BTBD8: variants seen among roughly 807,000 people sequenced by gnomAD.
BTBD8 encodes BTB domain containing 8, also known as BTB/POZ domain-containing protein 8.
Under a neutral mutation model 162.9 loss-of-function variants are expected in BTBD8, and 110 were observed. The ratio of observed to expected loss-of-function variants is 0.68; its 90% confidence interval spans 0.58 to 0.79. The LOEUF is 0.79. BTBD8 is among the 30% of genes least tolerant of loss of function. The pLI, the probability that BTBD8 is intolerant of heterozygous loss-of-function variation, is 0.00. For synonymous variants in BTBD8, 667 were observed against 716.1 expected (o/e 0.93, Z 1.10); for missense variants, 1,905 against 2,085.4 (o/e 0.91, Z 1.68).
chr1:92,122,592 C>G (rs1014934879), intron 4 of BTBD8, among the ~76,000 whole-genome samples: 4 of 149,002 alleles, frequency 2.7e-5, no homozygotes, highest in Admixed American at 1.3e-4. Flanking sequence ...TAGACAGAGT[C>G]TCACTCTGTA....
At chr1:92,127,142 G>A (rs972278730) in intron 4 of BTBD8, among the ~76,000 whole-genome samples, 8 of 152,114 alleles carry the variant, frequency 5.3e-5, no homozygotes, top group African/African-American at 1.9e-4. Context: ...ATTTTTAGAT[G>A]TGGCTATCTA....
chr1:92,155,797 A>T (rs182275160), intron 9 of BTBD8, among the ~76,000 whole-genome samples: 1 of 152,222 alleles, frequency 6.6e-6, no homozygotes, highest in East Asian at 1.9e-4. Flanking sequence ...TGTAGCTTTC[A>T]TCTTTACTGA....
Position 92,167,872 on chromosome 1 carries a change from G to C in BTBD8, c.1330G>C (p.Asp444His). 1 of 1,550,258 alleles carries C rather than the reference G, an allele frequency of 6.5e-7. No homozygotes were observed. The highest frequency in any genetic ancestry group is 8.7e-7 in the Non-Finnish European group (1 of 1,146,050). The part of the protein sequence containing the change: ...LQSQAMSSTA[D>H]LLDTILKAIE... ...GTCACAAGCAATGAGCAGCACAGCC[G>C]ATCTGTTGGACACAATTTTAAAAGC... The change falls in exon 11 of 18, where the codon GAT becomes CAT. Residue 444 changes from aspartate (D) to histidine (H), a missense_variant. This residue lies in a region of BTBD8 where 1,374 missense variants were observed against 1,442.7 expected (regional missense o/e 0.95). Coordinates refer to ENST00000636805, the MANE Select transcript of BTBD8 (RefSeq NM_001376131.1).
intron 13 of BTBD8, 84 bp downstream of exon 13, chr1:92,171,544 T>G: frequency 1.1e-6 from 1 of 907,842 alleles, no homozygotes; most frequent in Non-Finnish European, 1.6e-6. Context: ...AGAAAAAGTT[T>G]TAAAAATCTA....
At chr1:92,086,345 A>G (rs923056986) in intron 1 of BTBD8, among the ~76,000 whole-genome samples, 2 of 152,138 alleles carry the variant, frequency 1.3e-5, no homozygotes, top group African/African-American at 4.8e-5. Flanking sequence ...ACATGTTCCA[A>G]AATCTTTTAC....
At chr1:92,115,507 C>T (rs1027376030) in intron 4 of BTBD8, 1 of 418,244 alleles carries the variant, frequency 2.4e-6, no homozygotes, top group African/African-American at 2.1e-5. Flanking sequence ...GTGAAGATGC[C>T]AGTGGACTCC....
At chr1:92,105,380 G>A (rs189888456) in intron 3 of BTBD8, among the ~76,000 whole-genome samples, 33 of 152,064 alleles carry the variant, frequency 2.2e-4, no homozygotes, top group Non-Finnish European at 3.7e-4. Flanking sequence ...AGCCTCTCGA[G>A]TAGCTGGGCC....
chr1:92,106,832 G>C (rs933265509), intron 3 of BTBD8, among the ~76,000 whole-genome samples: 1 of 151,950 alleles, frequency 6.6e-6, no homozygotes, highest in African/African-American at 2.4e-5. Flanking sequence ...AAGGACCATA[G>C]TTTACTGTAG....
chr1:92,128,686 C>G (rs1416119709), intron 4 of BTBD8, among the ~76,000 whole-genome samples: 1 of 152,080 alleles, frequency 6.6e-6, no homozygotes, highest in South Asian at 2.1e-4. Context: ...TCCCAAAGTG[C>G]TGAGATGACA....
intron 2 of BTBD8, among the ~76,000 whole-genome samples, chr1:92,098,351 G>T (rs1476987375): frequency 6.6e-6 from 1 of 152,080 alleles, no homozygotes; most frequent in African/African-American, 2.4e-5. Flanking sequence ...GGTTATTTCG[G>T]CTTTTTGGCT....
At position 92,142,260 on chromosome 1, in the gene BTBD8, A is replaced by T. The variant is rs6656359; in HGVS notation, c.930+1049A>T. On this transcript the variant is annotated intron_variant, in intron 7 of 17. Transcript: ENST00000636805. ...TCTGGTCAAAGGTTCTTCCTTCTTC[A>T]TATGTCTCCCTCATATTTCCAGCCA... Among the ~76,000 whole-genome samples, 535 of 152,354 alleles carry T rather than the reference A, an allele frequency of 3.5e-3. 3 individuals carry two copies. The highest frequency in any genetic ancestry group is 0.012 in the African/African-American group (509 of 41,586).
intron 2 of BTBD8, among the ~76,000 whole-genome samples, chr1:92,100,958 C>G (rs1331092435): frequency 6.6e-6 from 1 of 152,004 alleles, no homozygotes; most frequent in Non-Finnish European, 1.5e-5. Flanking sequence ...TGTGGGGGAA[C>G]AGGTGGTGTT....
At chr1:92,111,569 G>T (rs558854124) in intron 4 of BTBD8, among the ~76,000 whole-genome samples, 1 of 152,044 alleles carries the variant, frequency 6.6e-6, no homozygotes, top group South Asian at 2.1e-4. Context: ...TGATCCCACC[G>T]CTTATTTTTA....
At chr1:92,175,263 G>A (rs1354116952) in intron 13 of BTBD8, among the ~76,000 whole-genome samples, 1 of 151,598 alleles carries the variant, frequency 6.6e-6, no homozygotes, top group African/African-American at 2.4e-5. Flanking sequence ...GGTGGATCAC[G>A]AGGTCAAGAG....
rs1036495530 is a variant in BTBD8 at position 92,181,159 on chromosome 1, C to G, written c.3476C>G (p.Ser1159Cys). 13 of 1,551,496 alleles carry G rather than the reference C, an allele frequency of 8.4e-6. No homozygotes were observed. Among genetic ancestry groups the G allele is most frequent in the African/African-American group, 6.8e-5 (5 of 73,044 alleles). The change falls in exon 17 of 18, where the codon TCT becomes TGT. Residue 1159 changes from serine to cysteine, a missense_variant. Around this residue, in one of 3 missense-constraint regions of BTBD8, gnomAD observed 1,374 missense variants for 1,442.7 expected, o/e 0.95. Coordinates refer to ENST00000636805, the MANE Select transcript of BTBD8 (RefSeq NM_001376131.1). ...GAAAGGACAAATGGTACCTTAAATT[C>G]TGCTCAAGAAGACAAAAAATCGAAA... is the stretch of plus-strand genomic sequence containing the variant. ...NPERTNGTLN[S>C]AQEDKKSKVP...
chr1:92,159,482 A>G (rs948204356), intron 9 of BTBD8, among the ~76,000 whole-genome samples: 4 of 151,678 alleles, frequency 2.6e-5, no homozygotes, highest in Non-Finnish European at 4.4e-5. Context: ...TGCCTTATAT[A>G]TTTTCCTTCA....
chr1:92,171,826 C>T (rs893127087), intron 13 of BTBD8, among the ~76,000 whole-genome samples: 15 of 152,232 alleles, frequency 9.9e-5, no homozygotes, highest in African/African-American at 3.1e-4. Context: ...CATGGTGGCT[C>T]ACGCCTGTAA....
intron 5 of BTBD8, among the ~76,000 whole-genome samples, chr1:92,130,677 C>A (rs1209219513): frequency 1.3e-5 from 2 of 151,794 alleles, no homozygotes; most frequent in Admixed American, 6.6e-5. Flanking sequence ...ATATGCAAAG[C>A]AAATATTTAC....
rs778498972 is a variant in BTBD8 at position 92,182,511 on chromosome 1, C to T, written c.4828C>T (p.Arg1610Trp). Residue 1610 changes from arginine (R) to tryptophan (W), a missense_variant, in exon 17 of 18, where the codon CGG becomes TGG. By Grantham distance (101) the Arg-to-Trp change is moderately radical. This residue lies in a region of BTBD8 where 517 missense variants were observed against 606.6 expected (regional missense o/e 0.85). Coordinates refer to ENST00000636805, the MANE Select transcript of BTBD8 (RefSeq NM_001376131.1). ...NSSTKSLDSFRSQVLPQEGPV... is the reference protein window; with the variant it reads ...NSSTKSLDSFWSQVLPQEGPV... ...CTCTACAAAATCTCTAGACTCCTTT[C>T]GGAGTCAAGTTCTGCCTCAGGAAGG... The T allele has an allele frequency of 4.3e-5, 67 of 1,547,856 alleles. No homozygotes were observed. Among genetic ancestry groups the T allele is most frequent in the Admixed American group, 1.2e-4 (6 of 50,392 alleles).
Sources: gnomAD v4.1 joint callset for allele counts (sites outside exome capture counted in the v4.1 genomes callset) on GRCh38, gnomAD v4.1.1 for gene constraint, gnomAD v4.1.1 regional missense constraint, MANE v1.5 for transcripts, NCBI Gene and HGNC (gene_info 2026-07-23, HGNC 2026-07-21) for gene names.